The following RGS9 variants were observed in gnomAD, a reference collection of about 807,000 sequenced individuals.
RGS9 encodes regulator of G-protein signalling 9.
RGS9 carries 78 observed loss-of-function variants against 102.0 expected under a neutral mutation model. The ratio of observed to expected loss-of-function variants is 0.76; its 90% CI spans 0.64 to 0.92. The LOEUF (loss-of-function observed/expected upper bound fraction) is 0.92, where lower values mean the gene tolerates loss of function less well. Among genes scored for constraint, RGS9 ranks in the 40% least tolerant of loss-of-function variants. The pLI is 0.00. For missense variants in RGS9, 833 were observed against 866.1 expected (o/e 0.96, Z 0.48); for synonymous variants, 353 against 318.6 (o/e 1.11, Z -1.15).
At chr17:65,204,887 G>A (rs1912991556) in intron 15 of RGS9, among the ~76,000 whole-genome samples, 1 of 152,158 alleles carries the variant, frequency 6.6e-6, no homozygotes, top group Admixed American at 6.5e-5. Context: ...CCAGAGATGG[G>A]GCTGGGATTC....
At chr17:65,207,845 T>C in intron 15 of RGS9, 77 bp from the exon 16 acceptor site, 1 of 1,063,508 alleles carries the variant, frequency 9.4e-7, no homozygotes, top group South Asian at 1.3e-5. Context: ...AAGGGAGGCT[T>C]GAAAATGGCA....
At chr17:65,179,299 T>A (rs1469971913) in intron 9 of RGS9, among the ~76,000 whole-genome samples, 1 of 152,186 alleles carries the variant, frequency 6.6e-6, no homozygotes, top group African/African-American at 2.4e-5. Flanking sequence ...AGGTCTCTTG[T>A]CCACAAGCTG....
At chr17:65,201,131 A>ACACT (rs1267419071) in intron 13 of RGS9, among the ~76,000 whole-genome samples, 3 of 151,004 alleles carry the variant, frequency 2.0e-5, no homozygotes, top group African/African-American at 7.4e-5. Context: ...ACACACACAC[A>ACACT]CTTGCTCTCT....
intron 1 of RGS9, among the ~76,000 whole-genome samples, chr17:65,148,990 C>G (rs1910475063): frequency 6.6e-6 from 1 of 152,020 alleles, no homozygotes; most frequent in African/African-American, 2.4e-5. Context: ...GAGGCAAGGT[C>G]TCTCTCTGTT....
chr17:65,151,343 CAAA>C (rs770022633), intron 1 of RGS9, among the ~76,000 whole-genome samples: 5 of 95,930 alleles, frequency 5.2e-5, no homozygotes, highest in Non-Finnish European at 6.2e-5. Flanking sequence ...AGACCTGTCC[CAAA>C]AAAAAAAAAA....
At chr17:65,216,445 T>C (rs1339605197) in intron 17 of RGS9, among the ~76,000 whole-genome samples, 1 of 152,198 alleles carries the variant, frequency 6.6e-6, no homozygotes. Context: ...CGAAGCATCC[T>C]GGCTAACCCA....
At chr17:65,142,365 G>A (rs1910189850) in intron 1 of RGS9, among the ~76,000 whole-genome samples, 1 of 152,188 alleles carries the variant, frequency 6.6e-6, no homozygotes, top group Non-Finnish European at 1.5e-5. Flanking sequence ...GAAGCTGTTT[G>A]ACGTTTTAAA....
intron 1 of RGS9, among the ~76,000 whole-genome samples, chr17:65,147,672 C>A (rs989163448): frequency 8.9e-5 from 13 of 146,770 alleles, no homozygotes; most frequent in African/African-American, 3.4e-4. Context: ...CTCACTGCAA[C>A]CTCCACCTCC....
intron 8 of RGS9, among the ~76,000 whole-genome samples, chr17:65,170,786 C>T (rs929298331): frequency 1.3e-5 from 2 of 152,076 alleles, no homozygotes; most frequent in Admixed American, 6.6e-5. Flanking sequence ...CACATCTAAC[C>T]TCTTTCATGG....
At chr17:65,177,700 T>C in intron 8 of RGS9, 32 bp from the exon 9 acceptor site, 1 of 1,602,882 alleles carries the variant, frequency 6.2e-7, no homozygotes, top group Non-Finnish European at 8.5e-7. Context: ...ACTCTCCCTG[T>C]AATGACCTTA....
chr17:65,149,389 C>T (rs909452105), intron 1 of RGS9, among the ~76,000 whole-genome samples: 22 of 152,200 alleles, frequency 1.4e-4, no homozygotes, highest in African/African-American at 5.3e-4. Context: ...ACTTTCTCTG[C>T]ATTCAGACTC....
At chr17:65,166,475 G>A (rs1911184518) in intron 7 of RGS9, among the ~76,000 whole-genome samples, 1 of 152,170 alleles carries the variant, frequency 6.6e-6, no homozygotes, top group Non-Finnish European at 1.5e-5. Flanking sequence ...GACTATGTTT[G>A]GTTCACCAGT....
intron 1 of RGS9, among the ~76,000 whole-genome samples, chr17:65,147,645 C>T (rs438914): frequency 0.16 from 20,802 of 133,958 alleles, 1,767 homozygotes; most frequent in Middle Eastern, 0.34. Flanking sequence ...GGCTGGAGTG[C>T]GGTGGCATGA....
At chr17:65,166,093 G>A (rs890360220) in intron 7 of RGS9, among the ~76,000 whole-genome samples, 10 of 152,110 alleles carry the variant, frequency 6.6e-5, no homozygotes, top group African/African-American at 1.2e-4. Flanking sequence ...ACAGCATGGC[G>A]GCATCAGGGA....
chr17:65,191,216 C>T (rs531069295), intron 11 of RGS9, among the ~76,000 whole-genome samples: 23 of 152,246 alleles, frequency 1.5e-4, no homozygotes, highest in African/African-American at 1.4e-4. Flanking sequence ...CATTTACTTC[C>T]GTGTTCCATA....
chr17:65,184,667 C>T (rs1912033084), intron 9 of RGS9, among the ~76,000 whole-genome samples: 1 of 151,100 alleles, frequency 6.6e-6, no homozygotes, highest in Non-Finnish European at 1.5e-5. Flanking sequence ...TTCTTTTTTT[C>T]CTTCCTTCCT....
At chr17:65,142,610 C>G (rs393916) in intron 1 of RGS9, among the ~76,000 whole-genome samples, 1 of 147,878 alleles carries the variant, frequency 6.8e-6, no homozygotes. Context: ...TGAGACAGAG[C>G]CTGTCTCTGT....
At chr17:65,198,862 T>C (rs1912703272) in intron 13 of RGS9, among the ~76,000 whole-genome samples, 1 of 152,194 alleles carries the variant, frequency 6.6e-6, no homozygotes, top group South Asian at 2.1e-4. Flanking sequence ...TTGATAATCA[T>C]CTCCCTAATC....
chr17:65,142,574 C>CTTTTTTTTTTTTT (rs745663576), intron 1 of RGS9, among the ~76,000 whole-genome samples: 3 of 137,784 alleles, frequency 2.2e-5, no homozygotes, highest in Non-Finnish European at 3.2e-5. Context: ...CCCTTCCTTT[C>CTTTTTTTTTTTTT]TTTTTTTTTT....
Sources: allele counts gnomAD v4.1 joint callset (sites outside exome capture counted in the v4.1 genomes callset), GRCh38; gene constraint gnomAD v4.1.1; transcripts MANE v1.5; gene names NCBI Gene and HGNC (gene_info 2026-07-23, HGNC 2026-07-21).